Variants in PCNX2 observed in about 807,000 individuals in gnomAD.
PCNX2 encodes the protein pecanex-like protein 2.
In PCNX2, 168 loss-of-function variants were observed where a neutral mutation model predicts 223.8. The observed-to-expected ratio is 0.75, with a 90% CI of 0.66 to 0.85. The LOEUF is 0.85. PCNX2 is among the 40% of genes least tolerant of loss of function. The pLI is 0.00. For synonymous variants in PCNX2, 1,006 were observed against 1,052.6 expected (o/e 0.96, Z 0.86); for missense variants, 2,507 against 2,675.5 (o/e 0.94, Z 1.39).
At position 232,999,135 on chromosome 1, in the gene PCNX2, A is replaced by G; in HGVS notation, c.5573T>C (p.Ile1858Thr). 1 of 1,613,260 alleles carries G rather than the reference A, an allele frequency of 6.2e-7. No homozygotes were observed. The highest frequency in any genetic ancestry group is 8.5e-7 in the Non-Finnish European group (1 of 1,179,394). Residue 1858 changes from isoleucine (I) to threonine (T), a missense_variant, in exon 31 of 34, where the codon ATT becomes ACT. Ile to Thr is a moderately conservative substitution (Grantham distance 89, BLOSUM62 -1). Coordinates refer to ENST00000258229, the MANE Select transcript of PCNX2 (RefSeq NM_014801.4). ...CCACTTGGTCCAGAACCAGGTCCTA[A>G]TTCTGTCCAAAGTGATGGGTCCACC... is the stretch of plus-strand genomic sequence containing the variant. ...IWGGPITLDR[I>T]RTWFWTKWVR...
intron 8 of PCNX2, among the ~76,000 whole-genome samples, chr1:233,244,807 C>A (rs1659005769): frequency 6.6e-6 from 1 of 152,170 alleles, no homozygotes; most frequent in Non-Finnish European, 1.5e-5. Context: ...TTAAAAGGCT[C>A]ATTTTACATG....
Position 232,984,494 on chromosome 1 carries a change from A to T in PCNX2, c.6241-17T>A. The T allele has an allele frequency of 6.2e-7, 1 of 1,609,694 alleles. No individual in the cohort carries two copies. The highest frequency in any genetic ancestry group is 1.3e-5 in the African/African-American group (1 of 74,846). ...GGAGAGGTGCTTCCAAAGAGAAGAG[A>T]GAAACAGTGAACAGCTCAGCAAACG... On this transcript the variant is annotated splice_polypyrimidine_tract_variant and intron_variant, in intron 33 of 33. Transcript: ENST00000258229.
intron 17 of PCNX2, among the ~76,000 whole-genome samples, chr1:233,174,423 C>T (rs901543775): frequency 6.7e-6 from 1 of 149,620 alleles, no homozygotes; most frequent in Non-Finnish European, 1.5e-5. Flanking sequence ...ATGGTAAATC[C>T]GTGCATGTTT....
chr1:233,139,787 A>G lies in PCNX2; in HGVS notation c.3586T>C (p.Tyr1196His), dbSNP rs1677003704. ...WLQCFEKYIL[Y>H]PALILNALTI... ...AGGGCATTCAAAATTAGCGCTGGGTACAAGATGTATTTTTCAAAACACTGA... is the reference window on the plus strand; with the variant it reads ...AGGGCATTCAAAATTAGCGCTGGGTGCAAGATGTATTTTTCAAAACACTGA... The change falls in exon 20 of 34, where the codon TAC (tyrosine) becomes CAC (histidine). Residue 1196 changes from tyrosine to histidine, a missense_variant. Tyr to His is a moderately conservative substitution (Grantham distance 83). This residue lies in a region of PCNX2 where 1,372 missense variants were observed against 1,509.4 expected (regional missense o/e 0.91). Transcript: ENST00000258229. This position sits in a 1 kb window ranked among gnomAD's most constrained non-coding sequence, Gnocchi z 4.4. 6.2e-7 allele frequency: 1 copy of G among 1,613,284 alleles called. No individual in the cohort carries two copies. The highest frequency in any genetic ancestry group is 1.1e-5 in the South Asian group (1 of 90,862).
intron 21 of PCNX2, among the ~76,000 whole-genome samples, chr1:233,108,800 T>C (rs1674951731): frequency 6.6e-6 from 1 of 152,052 alleles, no homozygotes; most frequent in South Asian, 2.1e-4. Context: ...GGGCCCAGGA[T>C]TACAGACAGG....
intron 25 of PCNX2, among the ~76,000 whole-genome samples, chr1:233,051,419 C>T (rs1290635055): frequency 2.6e-5 from 4 of 152,134 alleles, no homozygotes; most frequent in Non-Finnish European, 5.9e-5. Flanking sequence ...GCACTATTCA[C>T]AATAGCAATG....
intron 21 of PCNX2, among the ~76,000 whole-genome samples, chr1:233,127,311 T>C (rs1471757688): frequency 6.6e-6 from 1 of 152,150 alleles, no homozygotes; most frequent in East Asian, 1.9e-4. Flanking sequence ...GTTTTCACAC[T>C]TCCCAAATTT....
At chr1:233,153,500 G>A (rs1294047388) in intron 19 of PCNX2, among the ~76,000 whole-genome samples, 3 of 152,094 alleles carry the variant, frequency 2.0e-5, no homozygotes, top group Non-Finnish European at 4.4e-5. Context: ...GGTGAACAAC[G>A]TTTAGACTTA....
intron 21 of PCNX2, among the ~76,000 whole-genome samples, chr1:233,106,347 CTTTTTTTTTTTTT>C (rs912803573): frequency 1.8e-3 from 205 of 115,684 alleles, no homozygotes; most frequent in Admixed American, 3.2e-3. Context: ...TCTCCTCCCT[CTTTTTTTTTTTTT>C]TTTTTTTTTT....
In PCNX2 at chr1:233,000,362, G is replaced by A. The variant is rs773939656; in HGVS notation, c.5271C>T (p.Ala1757=). The A allele has an allele frequency of 2.2e-5, 36 of 1,613,572 alleles. No individual in the cohort carries two copies. The highest frequency in any genetic ancestry group is 2.5e-5 in the Non-Finnish European group (29 of 1,179,726). ...LTLRHVVDEG[A]DEYKVIMLHR... Reference sequence around the variant, plus strand: ...GGAGCATGATGACCTTGTACTCGTCGGCACCCTCGTCCACCACGTGCCGCA... The same window carrying A: ...GGAGCATGATGACCTTGTACTCGTCAGCACCCTCGTCCACCACGTGCCGCA... Residue 1757 remains alanine, a synonymous_variant, in exon 30 of 34, where the codon GCC becomes GCT. Coordinates refer to ENST00000258229, the MANE Select transcript of PCNX2 (RefSeq NM_014801.4). The surrounding 1 kb of genome is among the most constrained non-coding windows in gnomAD (Gnocchi z 4.6).
intron 23 of PCNX2, among the ~76,000 whole-genome samples, chr1:233,083,132 A>T (rs112719739): frequency 0.014 from 2,090 of 152,326 alleles, 54 homozygotes; most frequent in African/African-American, 0.047. Context: ...GATTTGCAGA[A>T]TAGGTCCTTC....
chr1:233,156,695 A>G (rs189433504), intron 19 of PCNX2, among the ~76,000 whole-genome samples: 55 of 152,288 alleles, frequency 3.6e-4, no homozygotes, highest in Admixed American at 2.6e-3. Flanking sequence ...AGGCGGGCAG[A>G]TCACTTGAGG....
chr1:233,146,481 T>C (rs1677456583), intron 19 of PCNX2, among the ~76,000 whole-genome samples: 3 of 152,248 alleles, frequency 2.0e-5, no homozygotes, highest in Non-Finnish European at 2.9e-5. Context: ...TCAGTTACAG[T>C]TAAGTTTCTT....
intron 21 of PCNX2, among the ~76,000 whole-genome samples, chr1:233,105,018 AGAG>A (rs1403061778): frequency 5.9e-5 from 9 of 152,204 alleles, no homozygotes; most frequent in East Asian, 5.8e-4. Context: ...AGCAATCTGT[AGAG>A]GAGAAGATAT....
chr1:233,000,000 T>C (rs898420380), intron 30 of PCNX2, among the ~76,000 whole-genome samples: 1 of 152,186 alleles, frequency 6.6e-6, no homozygotes, highest in African/African-American at 2.4e-5. Context: ...TAAAAAGTCT[T>C]TACAAATAAG....
At chr1:232,986,608 G>GCC in intron 32 of PCNX2, 68 bp from the exon 33 acceptor site, 1 of 1,383,690 alleles carries the variant, frequency 7.2e-7, no homozygotes, top group Non-Finnish European at 9.5e-7. Context: ...GTGTGGTGCA[G>GCC]CAGGTGGCCT....
At chr1:233,165,624 A>G (rs1678748158) in intron 17 of PCNX2, among the ~76,000 whole-genome samples, 1 of 152,230 alleles carries the variant, frequency 6.6e-6, no homozygotes, top group Non-Finnish European at 1.5e-5. Flanking sequence ...AATAGCACTA[A>G]AAGTATATTT....
At chr1:233,137,157 G>C (rs1174248172) in intron 20 of PCNX2, among the ~76,000 whole-genome samples, 1 of 152,236 alleles carries the variant, frequency 6.6e-6, no homozygotes, top group Non-Finnish European at 1.5e-5. Context: ...TCCTGGCCAG[G>C]ACCCCACTGT....
chr1:233,076,333 A>G (rs1673095871), intron 23 of PCNX2, among the ~76,000 whole-genome samples: 1 of 152,204 alleles, frequency 6.6e-6, no homozygotes, highest in Admixed American at 6.6e-5. Context: ...CGGGCTTTTG[A>G]CATGCATTTC....
Sources: allele counts gnomAD v4.1 joint callset (sites outside exome capture counted in the v4.1 genomes callset), GRCh38; gene constraint gnomAD v4.1.1; regional missense constraint gnomAD v4.1.1; non-coding constraint Gnocchi (gnomAD v3.1); transcripts MANE v1.5; gene names NCBI Gene and HGNC (gene_info 2026-07-23, HGNC 2026-07-21).